Variants in ICA1 observed in about 807,000 individuals in gnomAD.
ICA1 encodes 69 kDa islet cell autoantigen.
Under a neutral mutation model 71.0 loss-of-function variants are expected in ICA1, and 40 were observed. That is an observed-to-expected ratio of 0.56 (90% confidence interval 0.44 to 0.73). The LOEUF is 0.73. Ranked by LOEUF, ICA1 falls within the 30% of genes least tolerant of loss-of-function variation. The pLI is 0.00. For missense variants in ICA1, 578 were observed against 576.5 expected, an observed-to-expected ratio of 1.00 and a Z score of -0.03; for synonymous variants, 207 against 209.5, an observed-to-expected ratio of 0.99 and a Z score of 0.10.
At chr7:8,199,550 A>G (rs943096585) in intron 6 of ICA1, among the ~76,000 whole-genome samples, 3 of 152,010 alleles carry the variant, frequency 2.0e-5, no homozygotes, top group African/African-American at 7.2e-5. Flanking sequence ...GTCTCTACTA[A>G]AAAAATAAAA....
chr7:8,248,434 G>T (rs571606815), intron 1 of ICA1, among the ~76,000 whole-genome samples: 1 of 152,088 alleles, frequency 6.6e-6, no homozygotes, highest in Non-Finnish European at 1.5e-5. Context: ...AAGAAATAAC[G>T]CTTTTTTCAG....
chr7:8,239,214 C>T (rs770283035), intron 1 of ICA1, among the ~76,000 whole-genome samples: 1 of 152,174 alleles, frequency 6.6e-6, no homozygotes, highest in Non-Finnish European at 1.5e-5. Flanking sequence ...TTAAGATTTC[C>T]TGACATAATC....
chr7:8,125,202 G>C (rs1434464834), intron 13 of ICA1, among the ~76,000 whole-genome samples: 3 of 152,212 alleles, frequency 2.0e-5, no homozygotes, highest in Non-Finnish European at 4.4e-5. Context: ...TTTGGCTCAA[G>C]ATCCTGTGAT....
intron 1 of ICA1, among the ~76,000 whole-genome samples, chr7:8,255,562 C>T (rs995575048): frequency 6.6e-6 from 1 of 152,152 alleles, no homozygotes; most frequent in Admixed American, 6.5e-5. Context: ...CCAACAACTT[C>T]CAAAATCACA....
chr7:8,247,464 A>AAGAAAAG (rs1277342499), intron 1 of ICA1, among the ~76,000 whole-genome samples: 1 of 151,794 alleles, frequency 6.6e-6, no homozygotes, highest in Non-Finnish European at 1.5e-5. Flanking sequence ...TGTATCAAAA[A>AAGAAAAG]AGAAAAGAAA....
At chr7:8,201,293 T>C (rs1366028936) in intron 6 of ICA1, among the ~76,000 whole-genome samples, 1 of 152,186 alleles carries the variant, frequency 6.6e-6, no homozygotes, top group Non-Finnish European at 1.5e-5. Flanking sequence ...TCGGGCTTTT[T>C]AAAGGATTAG....
In ICA1 at chr7:8,132,150, A is replaced by G. The variant is rs1017261608; in HGVS notation, c.1061-4008T>C. Among the ~76,000 whole-genome samples the G allele has an allele frequency of 4.6e-5, 7 of 152,194 alleles. No individual in the cohort carries two copies. Among genetic ancestry groups the G allele is most frequent in the Non-Finnish European group, 8.8e-5 (6 of 68,040 alleles). On this transcript the variant is annotated intron_variant, in intron 12 of 13. Transcript: ENST00000402384. The surrounding 1 kb of genome is among the most constrained non-coding windows in gnomAD (Gnocchi z 4.5). ...AAGAGCCAACAGACATGACGTACTC[A>G]CATCCTCACCTGTCTCCAACTCCGT...
At chr7:8,138,746 T>C (rs1351493568) in intron 12 of ICA1, 94 bp downstream of exon 12, 21 of 1,066,424 alleles carry the variant, frequency 2.0e-5, no homozygotes, top group Middle Eastern at 3.1e-4. Context: ...AATGCAAAGC[T>C]ATTAAAAAGA....
At chr7:8,157,314 A>C in intron 7 of ICA1, 100 bp from the exon 8 acceptor site, 1 of 1,147,384 alleles carries the variant, frequency 8.7e-7, no homozygotes. Context: ...AGATTCTTTA[A>C]AGCATGATTC....
chr7:8,163,502 C>T (rs931051551), intron 6 of ICA1, among the ~76,000 whole-genome samples: 3 of 152,114 alleles, frequency 2.0e-5, no homozygotes, highest in African/African-American at 4.8e-5. Flanking sequence ...CAAATGGAAT[C>T]GATAGTACAT....
intron 3 of ICA1, among the ~76,000 whole-genome samples, chr7:8,229,041 C>T (rs908193477): frequency 1.1e-4 from 17 of 152,230 alleles, no homozygotes; most frequent in Admixed American, 3.9e-4. Context: ...TTATTCCTTT[C>T]ACCACTTGCT....
intron 1 of ICA1, among the ~76,000 whole-genome samples, chr7:8,256,486 G>T (rs1042463978): frequency 2.6e-5 from 4 of 151,980 alleles, no homozygotes; most frequent in East Asian, 1.9e-4. Context: ...CTTTCCACTT[G>T]GAATGCCCTC....
chr7:8,195,730 A>G (rs1294205254), intron 6 of ICA1, among the ~76,000 whole-genome samples: 1 of 151,970 alleles, frequency 6.6e-6, no homozygotes, highest in Non-Finnish European at 1.5e-5. Flanking sequence ...TTGCAATCCC[A>G]GCACTTTGGG....
At chr7:8,129,376 TAAAAA>T (rs1166692977) in intron 12 of ICA1, among the ~76,000 whole-genome samples, 31 of 142,150 alleles carry the variant, frequency 2.2e-4, no homozygotes, top group African/African-American at 7.2e-4. Context: ...GCTTTTTTTT[TAAAAA>T]AAAAAAAGTT....
At chr7:8,207,225 G>A (rs1308615972) in intron 6 of ICA1, among the ~76,000 whole-genome samples, 1 of 152,176 alleles carries the variant, frequency 6.6e-6, no homozygotes, top group Admixed American at 6.5e-5. Flanking sequence ...TGGATAGAAG[G>A]AGCCAATCAA....
chr7:8,122,940 G>T (rs1584210838), intron 13 of ICA1, among the ~76,000 whole-genome samples: 1 of 152,266 alleles, frequency 6.6e-6, no homozygotes, highest in Non-Finnish European at 1.5e-5. Context: ...TCTAAATTTT[G>T]GAAATGGGTA....
At chr7:8,139,685 T>C (rs1794570027) in intron 10 of ICA1, among the ~76,000 whole-genome samples, 2 of 152,238 alleles carry the variant, frequency 1.3e-5, no homozygotes, top group African/African-American at 2.4e-5. Flanking sequence ...GTGATAATGA[T>C]GTCAATGTAG....
chr7:8,157,166 T>C lies in ICA1; in HGVS notation c.754A>G (p.Ile252Val). The C allele has an allele frequency of 1.2e-6, 2 of 1,613,150 alleles. No individual in the cohort carries two copies. The highest frequency in any genetic ancestry group is 1.7e-6 in the Non-Finnish European group (2 of 1,179,806). ...TGATAACCTTTGAAACTCTCATGGATGGCTGCCATAGTGTGAGAAGTTTTC... is the reference window on the plus strand; with the variant it reads ...TGATAACCTTTGAAACTCTCATGGACGGCTGCCATAGTGTGAGAAGTTTTC... ...WEKTSHTMAA[I>V]HESFKGYQPY... The change falls in exon 8 of 14, where the codon ATC becomes GTC. Residue 252 changes from isoleucine to valine, a missense_variant. Ile to Val is a conservative substitution (Grantham distance 29, BLOSUM62 3). Coordinates refer to ENST00000402384, the MANE Select transcript of ICA1 (RefSeq NM_001136020.3).
chr7:8,146,688 T>C (rs142520990), intron 8 of ICA1, among the ~76,000 whole-genome samples: 119 of 151,422 alleles, frequency 7.9e-4, no homozygotes, highest in African/African-American at 2.8e-3. Context: ...TTTTTTTATA[T>C]ACCCCAAAGC....
Sources: allele counts gnomAD v4.1 joint callset (sites outside exome capture counted in the v4.1 genomes callset), GRCh38; gene constraint gnomAD v4.1.1; non-coding constraint Gnocchi (gnomAD v3.1); transcripts MANE v1.5; gene names NCBI Gene and HGNC (gene_info 2026-07-23, HGNC 2026-07-21).